SLC34A2: variants seen among roughly 807,000 people sequenced by gnomAD.
SLC34A2 encodes the protein sodium-dependent phosphate transport protein 2B.
SLC34A2 carries 41 observed loss-of-function variants against 50.8 expected under a neutral mutation model. The observed-to-expected ratio is 0.81, with a 90% CI of 0.63 to 1.05. SLC34A2 has a LOEUF of 1.05. Ranked by LOEUF, SLC34A2 falls within the 50% of genes least tolerant of loss-of-function variation. The pLI is 0.00. For synonymous variants in SLC34A2, 401 were observed against 364.2 expected (o/e 1.10, Z -1.15); for missense variants, 879 against 876.7 (o/e 1.00, Z -0.03).
chr4:25,669,018 T>A (rs1314047810), intron 6 of SLC34A2, among the ~76,000 whole-genome samples: 2 of 152,106 alleles, frequency 1.3e-5, no homozygotes, highest in Middle Eastern at 3.2e-3. Flanking sequence ...CCTCCTCAGA[T>A]GGATGCAAAA....
Position 25,673,252 on chromosome 4 carries a change from C to G in SLC34A2, c.1214C>G (p.Thr405Ser). The part of the protein sequence containing the change: ...VATVIKKTIN[T>S]DFPFPFAWLT... ...ACTGTCATCAAGAAGACCATCAACACTGGTAGGTACACTGCCCTCACTTGT... is the reference window on the plus strand; with the variant it reads ...ACTGTCATCAAGAAGACCATCAACAGTGGTAGGTACACTGCCCTCACTTGT... The change falls in exon 10 of 13, where the codon ACT becomes AGT. Residue 405 changes from threonine (T) to serine (S), a missense_variant and splice_region_variant. Thr to Ser is a moderately conservative substitution (Grantham distance 58). Coordinates refer to ENST00000382051, the MANE Select transcript of SLC34A2 (RefSeq NM_006424.3). The G allele has an allele frequency of 1.2e-6, 2 of 1,609,892 alleles. No individual in the cohort carries two copies. Among genetic ancestry groups the G allele is most frequent in the Non-Finnish European group, 1.7e-6 (2 of 1,179,530 alleles).
chr4:25,669,525 A>G (rs1714699768), intron 6 of SLC34A2, 122 bp from the exon 7 acceptor site: 1 of 872,830 alleles, frequency 1.1e-6, no homozygotes, highest in Non-Finnish European at 2.0e-6. Flanking sequence ...GATTGTGTAC[A>G]TGTGCACACT....
intron 6 of SLC34A2, among the ~76,000 whole-genome samples, chr4:25,668,499 G>A (rs1337148778): frequency 6.6e-6 from 1 of 151,992 alleles, no homozygotes; most frequent in African/African-American, 2.4e-5. Context: ...AAAATTAGCC[G>A]GCCGTGGTTG....
chr4:25,658,896 TACCCACCCCCACCC>T lies in SLC34A2; in HGVS notation c.-4+3016_-4+3029del, dbSNP rs1434493646. Among the ~76,000 whole-genome samples the T allele has an allele frequency of 2.7e-4, 40 of 147,804 alleles. 2 individuals are homozygous for T. Among genetic ancestry groups the T allele is most frequent in the Admixed American group, 1.3e-3 (20 of 14,868 alleles). On this transcript the variant is annotated intron_variant, in intron 1 of 12. Coordinates refer to ENST00000382051, the MANE Select transcript of SLC34A2 (RefSeq NM_006424.3). ...TACATTCTCTGCCTGCACCATTTAA[TACCCACCCCCACCC>T]ACCCACCCCACCCCCACCACCCTCC...
rs145841234 is a variant in SLC34A2 at position 25,662,554 on chromosome 4, C to G, written c.54C>G (p.Leu18=). Reference sequence around the variant, plus strand: ...CCCAGCCCAACCCCGATAAGTACCTCGAAGGGGCCGCAGGTCAGCAGCCCA... The same window carrying G: ...CCCAGCCCAACCCCGATAAGTACCTGGAAGGGGCCGCAGGTCAGCAGCCCA... The part of the protein sequence containing the change: ...GDAQPNPDKY[L]EGAAGQQPTA... The change falls in exon 2 of 13, where the codon CTC becomes CTG. Residue 18 remains leucine, a synonymous_variant. Coordinates refer to ENST00000382051, the MANE Select transcript of SLC34A2 (RefSeq NM_006424.3). 2.5e-6 allele frequency: 4 copies of G among 1,614,060 alleles called. No homozygotes were observed. Among genetic ancestry groups the G allele is most frequent in the Admixed American group, 3.3e-5 (2 of 60,010 alleles).
At chr4:25,660,885 C>T (rs1560234056) in intron 1 of SLC34A2, among the ~76,000 whole-genome samples, 1 of 152,138 alleles carries the variant, frequency 6.6e-6, no homozygotes, top group Non-Finnish European at 1.5e-5. Context: ...GCCATTTGTT[C>T]CTTTTCTGTG....
chr4:25,658,099 C>G (rs927714126), intron 1 of SLC34A2, among the ~76,000 whole-genome samples: 3 of 152,146 alleles, frequency 2.0e-5, no homozygotes, highest in African/African-American at 7.2e-5. Flanking sequence ...CCATTAACCT[C>G]TCTGTGGCTC....
In SLC34A2 at chr4:25,674,500, C is replaced by T; in HGVS notation, c.1334-5C>T. On this transcript the variant is annotated splice_region_variant and splice_polypyrimidine_tract_variant and intron_variant, in intron 11 of 12. Coordinates refer to ENST00000382051, the MANE Select transcript of SLC34A2 (RefSeq NM_006424.3). ...TGATATGTTTGTGTTTTGTGTTTCC[C>T]CCAGGAATCGGCGTGATAACCATTG... 6.2e-7 allele frequency: 1 copy of T among 1,614,212 alleles called. No homozygotes were observed. Among genetic ancestry groups the T allele is most frequent in the Non-Finnish European group, 8.5e-7 (1 of 1,180,050 alleles).
At chr4:25,669,295 A>G (rs1714683886) in intron 6 of SLC34A2, among the ~76,000 whole-genome samples, 1 of 152,202 alleles carries the variant, frequency 6.6e-6, no homozygotes, top group Non-Finnish European at 1.5e-5. Context: ...TCCAGCATAG[A>G]GGGCTTTGGT....
chr4:25,657,616 G>A (rs1396268196), intron 1 of SLC34A2, among the ~76,000 whole-genome samples: 1 of 152,178 alleles, frequency 6.6e-6, no homozygotes, highest in Non-Finnish European at 1.5e-5. Context: ...TGAGGGTGTG[G>A]TTTGGTGATA....
intron 6 of SLC34A2, 88 bp from the exon 7 acceptor site, chr4:25,669,559 G>C: frequency 8.9e-7 from 1 of 1,118,344 alleles, no homozygotes; most frequent in Non-Finnish European, 1.4e-6. Context: ...CCTAGCAGAG[G>C]GTGGCAGATG....
intron 9 of SLC34A2, 34 bp downstream of exon 9, chr4:25,671,755 A>G (rs758579016): frequency 6.2e-7 from 1 of 1,614,070 alleles, no homozygotes. Flanking sequence ...CCACTATGAC[A>G]GGTGTTGTCT....
intron 1 of SLC34A2, among the ~76,000 whole-genome samples, 177 bp downstream of exon 1, chr4:25,656,067 G>T (rs187292786): frequency 1.3e-5 from 2 of 152,300 alleles, no homozygotes; most frequent in African/African-American, 4.8e-5. Flanking sequence ...TTAATGTTAC[G>T]GTTATTGCTT....
At chr4:25,660,941 G>A (rs1383306532) in intron 1 of SLC34A2, among the ~76,000 whole-genome samples, 2 of 152,182 alleles carry the variant, frequency 1.3e-5, no homozygotes, top group Admixed American at 1.3e-4. Flanking sequence ...TAATGGACAA[G>A]GACTAATTGT....
chr4:25,658,408 C>T (rs1387276416), intron 1 of SLC34A2, among the ~76,000 whole-genome samples: 1 of 152,154 alleles, frequency 6.6e-6, no homozygotes, highest in African/African-American at 2.4e-5. Context: ...CCCATTTCTT[C>T]AGATGGCCTT....
intron 10 of SLC34A2, 96 bp downstream of exon 10, chr4:25,673,350 G>A (rs1577502661): frequency 1.7e-6 from 2 of 1,174,832 alleles, no homozygotes; most frequent in Admixed American, 1.8e-5. Context: ...CCTCTGCATG[G>A]AGTTTCTCTC....
At chr4:25,657,092 G>A (rs150433116) in intron 1 of SLC34A2, among the ~76,000 whole-genome samples, 14 of 152,264 alleles carry the variant, frequency 9.2e-5, no homozygotes, top group East Asian at 3.9e-4. Context: ...TAAGAAAGGC[G>A]TGCTTTGTAA....
chr4:25,671,030 G>C (rs1181578993), intron 8 of SLC34A2, among the ~76,000 whole-genome samples, 197 bp downstream of exon 8: 1 of 152,160 alleles, frequency 6.6e-6, no homozygotes, highest in African/African-American at 2.4e-5. Context: ...TAAACAGTAG[G>C]ACAGACAGAC....
rs1036109824 is a variant in SLC34A2 at position 25,677,855 on chromosome 4, C to T, written c.*1106C>T. On this transcript the variant is annotated 3_prime_UTR_variant, in exon 13 of 13. Transcript: ENST00000382051. ...CTCTTTCCAAACATTTTTCCATTTTCCCACAGATGGGCTTTGATTAGCTGT... is the reference window on the plus strand; with the variant it reads ...CTCTTTCCAAACATTTTTCCATTTTTCCACAGATGGGCTTTGATTAGCTGT... 1 of 152,260 alleles carries T rather than the reference C, an allele frequency of 6.6e-6. No individual in the cohort carries two copies. The highest frequency in any genetic ancestry group is 1.5e-5 in the Non-Finnish European group (1 of 68,066). The allele number at this position is 152,260 out of a possible 1,614,324, so 9.4% of individuals were successfully genotyped here. A position where few individuals can be genotyped will look rare whatever the true frequency, so the allele number is the denominator to read the frequency against.
Sources: gnomAD v4.1 joint callset for allele counts (sites outside exome capture counted in the v4.1 genomes callset) on GRCh38, gnomAD v4.1.1 for gene constraint, MANE v1.5 for transcripts, NCBI Gene and HGNC (gene_info 2026-07-23, HGNC 2026-07-21) for gene names.